SHLD1: variants seen among roughly 807,000 people sequenced by gnomAD.
The protein encoded by SHLD1 is RINN1-REV7-interacting novel NHEJ regulator 3.
Under a neutral mutation model 5.5 loss-of-function variants are expected in SHLD1, and 3 were observed. The ratio of observed to expected loss-of-function variants is 0.54; its 90% CI spans 0.25 to 1.40. The LOEUF (loss-of-function observed/expected upper bound fraction) is 1.40. Among genes scored for constraint, SHLD1 ranks in the 40% most tolerant of loss-of-function variants. The pLI is 0.15. For synonymous variants in SHLD1, 92 were observed against 94.3 expected, an observed-to-expected ratio of 0.98 and a Z score of 0.14; for missense variants, 210 against 244.4, an observed-to-expected ratio of 0.86 and a Z score of 0.94.
At chr20:5,769,374 C>T (rs1254294266) in intron 1 of SHLD1, among the ~76,000 whole-genome samples, 1 of 152,158 alleles carries the variant, frequency 6.6e-6, no homozygotes, top group Non-Finnish European at 1.5e-5. Flanking sequence ...ATGAAGAAAA[C>T]AGGGTAAACA....
intron 2 of SHLD1, among the ~76,000 whole-genome samples, chr20:5,788,226 C>A (rs936309014): frequency 6.6e-6 from 1 of 152,006 alleles, no homozygotes; most frequent in Non-Finnish European, 1.5e-5. Context: ...AATTGAGGGG[C>A]AAATTTAAAT....
chr20:5,809,737 T>G (rs559769495), intron 2 of SHLD1, among the ~76,000 whole-genome samples: 1 of 152,024 alleles, frequency 6.6e-6, no homozygotes, highest in Non-Finnish European at 1.5e-5. Context: ...CATTTTTGGT[T>G]GTTAAAGCCA....
intron 2 of SHLD1, among the ~76,000 whole-genome samples, chr20:5,835,350 C>T (rs2122452203): frequency 6.6e-6 from 1 of 152,330 alleles, no homozygotes; most frequent in South Asian, 2.1e-4. Flanking sequence ...TCTACCATCA[C>T]ACTGTGCCAG....
At chr20:5,772,443 A>T (rs74688118) in intron 1 of SHLD1, among the ~76,000 whole-genome samples, 2,445 of 152,290 alleles carry the variant, frequency 0.016, 66 homozygotes, top group African/African-American at 0.055. Context: ...ATGAGATTTC[A>T]TTACAATACT....
chr20:5,783,773 G>A (rs2087018807), intron 2 of SHLD1, among the ~76,000 whole-genome samples: 2 of 152,172 alleles, frequency 1.3e-5, no homozygotes, highest in Admixed American at 1.3e-4. Context: ...GGGGTCATGA[G>A]CTTGTGGGGC....
chr20:5,767,846 C>T (rs1489715319), intron 1 of SHLD1, among the ~76,000 whole-genome samples: 2 of 152,152 alleles, frequency 1.3e-5, no homozygotes, highest in African/African-American at 2.4e-5. Context: ...ATTAAAGAGT[C>T]TTTGTATCCA....
chr20:5,848,075 T>C (rs1214526136), intron 2 of SHLD1, among the ~76,000 whole-genome samples: 3 of 152,216 alleles, frequency 2.0e-5, no homozygotes, highest in African/African-American at 7.2e-5. Context: ...TAATCAGCAA[T>C]GGCTAAAAGT....
rs566009874 is a variant in SHLD1 at position 5,796,030 on chromosome 20, G to A, written c.178+22987G>A. ...AAAGAAAGAAAATATCATCTATTCC[G>A]GAACAGTAGATATCTACTTATTTCT... On this transcript the variant is annotated intron_variant, in intron 2 of 2. Coordinates refer to ENST00000303142, the MANE Select transcript of SHLD1 (RefSeq NM_152504.4). Among the ~76,000 whole-genome samples, 24 of 151,716 alleles carry A rather than the reference G, an allele frequency of 1.6e-4. No homozygotes were observed. The South Asian group carries it at 2.1e-3, about 13-fold the overall frequency.
In SHLD1 at chr20:5,823,597, G is replaced by A. The variant is rs149900160; in HGVS notation, c.179-39427G>A. Among the ~76,000 whole-genome samples the A allele has an allele frequency of 1.6e-3, 238 of 151,656 alleles. 6 individuals are homozygous for A. In the East Asian group the frequency reaches 0.035, roughly 22 times the overall value. ...CTAGTAGCTGGGATTACAGGCGCCC[G>A]CCACCACACCCAGTTAATTTTTGTA... On this transcript the variant is annotated intron_variant, in intron 2 of 2. Transcript: ENST00000303142.
chr20:5,826,963 C>A (rs1030479086), intron 2 of SHLD1, among the ~76,000 whole-genome samples: 5 of 152,070 alleles, frequency 3.3e-5, no homozygotes, highest in Non-Finnish European at 7.4e-5. Context: ...TCTCCCAGAC[C>A]CTCCCTCTCT....
chr20:5,852,442 TTC>T (rs35707278), intron 2 of SHLD1, among the ~76,000 whole-genome samples: 37 of 147,096 alleles, frequency 2.5e-4, no homozygotes, highest in African/African-American at 4.7e-4. Context: ...CCTTCCTTCC[TTC>T]TCTCTCTCTC....
At position 5,806,346 on chromosome 20, in the gene SHLD1, C is replaced by T. The variant is rs533365473; in HGVS notation, c.178+33303C>T. 2.0e-5 allele frequency among the ~76,000 whole-genome samples: 3 copies of T among 152,330 alleles called. No homozygotes were observed. The highest frequency in any genetic ancestry group is 7.2e-5 in the African/African-American group (3 of 41,578). The stretch of plus-strand genomic sequence containing the variant: ...TGGATTTGTGGATCGTGTCTTCTTC[C>T]TTCCATTTGAAAACTAGAACATTTG... On this transcript the variant is annotated intron_variant, in intron 2 of 2. Coordinates refer to ENST00000303142, the MANE Select transcript of SHLD1 (RefSeq NM_152504.4). This position sits in a 1 kb window ranked among gnomAD's most constrained non-coding sequence, Gnocchi z 7.6.
intron 2 of SHLD1, among the ~76,000 whole-genome samples, chr20:5,810,874 T>C (rs8116607): frequency 0.017 from 2,338 of 137,108 alleles, 22 homozygotes; most frequent in African/African-American, 0.031. Flanking sequence ...CACTCCAGAG[T>C]GAGACTCTGT....
chr20:5,845,374 C>T (rs527399160), intron 2 of SHLD1, among the ~76,000 whole-genome samples: 7 of 152,196 alleles, frequency 4.6e-5, no homozygotes, highest in African/African-American at 1.7e-4. Context: ...AGTAACTTGC[C>T]CAGGATCTCA....
chr20:5,781,926 C>T (rs992333067), intron 2 of SHLD1, among the ~76,000 whole-genome samples: 3 of 152,164 alleles, frequency 2.0e-5, no homozygotes, highest in Non-Finnish European at 4.4e-5. Flanking sequence ...ACAACCGGCA[C>T]GACTGTACAG....
intron 1 of SHLD1, among the ~76,000 whole-genome samples, chr20:5,750,718 T>TTA (rs1370771381): frequency 1.3e-5 from 2 of 152,010 alleles, no homozygotes; most frequent in African/African-American, 4.8e-5. Flanking sequence ...TGTTTTTTTT[T>TTA]AAATTTTTTC....
chr20:5,804,927 G>C (rs772281442), intron 2 of SHLD1, among the ~76,000 whole-genome samples: 1 of 152,162 alleles, frequency 6.6e-6, no homozygotes, highest in African/African-American at 2.4e-5. Context: ...AGGAAATCTT[G>C]GTGGAGTCCA....
chr20:5,810,950 C>CT (rs2122373801), intron 2 of SHLD1, among the ~76,000 whole-genome samples: 1 of 151,884 alleles, frequency 6.6e-6, no homozygotes, highest in East Asian at 1.9e-4. Context: ...GATGTCCTGG[C>CT]TTTAAGATCG....
chr20:5,779,978 T>G (rs547945101), intron 2 of SHLD1, among the ~76,000 whole-genome samples: 6 of 139,250 alleles, frequency 4.3e-5, no homozygotes, highest in South Asian at 2.4e-4. Flanking sequence ...TTCTGTTTTT[T>G]TTTTTTTTTT....
Sources: allele counts gnomAD v4.1 joint callset (sites outside exome capture counted in the v4.1 genomes callset), GRCh38; gene constraint gnomAD v4.1.1; non-coding constraint Gnocchi (gnomAD v3.1); transcripts MANE v1.5; gene names NCBI Gene and HGNC (gene_info 2026-07-23, HGNC 2026-07-21).